PDE12: variants seen among roughly 807,000 people sequenced by gnomAD.
PDE12 encodes the protein 2',5'-phosphodiesterase 12.
Under a neutral mutation model 45.4 loss-of-function variants are expected in PDE12, and 26 were observed. The ratio of observed to expected loss-of-function variants is 0.57; its 90% confidence interval spans 0.42 to 0.79. PDE12 has a LOEUF of 0.79. Among genes scored for constraint, PDE12 ranks in the 30% least tolerant of loss-of-function variants. The probability of loss-of-function intolerance (pLI) is 0.00; values close to 1 mark genes in which losing one functional copy is unlikely to be tolerated. For missense variants in PDE12, 668 were observed against 790.0 expected, an observed-to-expected ratio of 0.85 and a Z score of 1.85; for synonymous variants, 283 against 323.9, an observed-to-expected ratio of 0.87 and a Z score of 1.36.
At chr3:57,650,445 C>T in the PDE12 span, among the ~76,000 whole-genome samples, 1 of 149,372 alleles carries the variant, frequency 6.7e-6, no homozygotes, top group Non-Finnish European at 1.5e-5. Flanking sequence ...CACACACACA[C>T]ATACATACAC....
chr3:57,560,797 G>A lies in PDE12; in HGVS notation c.*793G>A. 1 of 985,242 alleles carries A rather than the reference G, an allele frequency of 1.0e-6. No homozygotes were observed. Among genetic ancestry groups the A allele is most frequent in the Non-Finnish European group, 1.2e-6 (1 of 829,418 alleles). 61.0% of individuals were successfully genotyped at this position (985,242 alleles called of 1,614,324 possible). ...TAAGGGTGAGAGACTTAAGTTATAG[G>A]TGACCTTAGAGACCTAAGGTGAGAG... On this transcript the variant is annotated 3_prime_UTR_variant, in exon 3 of 3. Coordinates refer to ENST00000311180, the MANE Select transcript of PDE12 (RefSeq NM_177966.7).
chr3:57,595,699 A>T, the PDE12 span, among the ~76,000 whole-genome samples: 1 of 152,312 alleles, frequency 6.6e-6, no homozygotes, highest in Middle Eastern at 3.4e-3. Flanking sequence ...CTGTAATCCC[A>T]GCACTCTGGG....
At chr3:57,592,014 C>T in the PDE12 span, among the ~76,000 whole-genome samples, 1 of 152,092 alleles carries the variant, frequency 6.6e-6, no homozygotes, top group Non-Finnish European at 1.5e-5. Context: ...TATACTAAAA[C>T]CCACGGAACT....
the PDE12 span, among the ~76,000 whole-genome samples, chr3:57,620,354 C>G: frequency 6.6e-6 from 1 of 151,630 alleles, no homozygotes; most frequent in Non-Finnish European, 1.5e-5. Flanking sequence ...AGTTTGAGAG[C>G]ACCCTCAGCA....
the PDE12 span, among the ~76,000 whole-genome samples, chr3:57,604,625 GT>G: frequency 0.12 from 4,013 of 33,076 alleles, 462 homozygotes; most frequent in South Asian, 0.25. Flanking sequence ...TTTGGGGGGG[GT>G]GGGTGGGACA....
chr3:57,645,289 T>C, the PDE12 span, among the ~76,000 whole-genome samples: 124,495 of 151,538 alleles, frequency 0.82, 51,456 homozygotes, highest in East Asian at 1. Context: ...GGTGAAACCC[T>C]GTCTCTACTA....
chr3:57,605,154 G>A, the PDE12 span, among the ~76,000 whole-genome samples: 2 of 152,146 alleles, frequency 1.3e-5, no homozygotes, highest in Admixed American at 6.5e-5. Context: ...ATTGCCTTGG[G>A]AATGTGTCCA....
chr3:57,570,032 CACA>C (rs1246394880), downstream of PDE12, among the ~76,000 whole-genome samples: 13 of 152,036 alleles, frequency 8.6e-5, no homozygotes, highest in Admixed American at 5.3e-4. Context: ...AGACTACACA[CACA>C]ACAATTATAC....
At chr3:57,645,636 G>A in the PDE12 span, 1 of 1,546,410 alleles carries the variant, frequency 6.5e-7, no homozygotes. Flanking sequence ...GTAATACCTG[G>A]TCAATAGAAG....
the PDE12 span, among the ~76,000 whole-genome samples, chr3:57,637,142 A>G: frequency 3.1e-4 from 47 of 152,260 alleles, no homozygotes; most frequent in African/African-American, 1.1e-3. Flanking sequence ...AATCTTCACA[A>G]TAAGAGTTTA....
chr3:57,650,257 C>A, the PDE12 span, among the ~76,000 whole-genome samples: 1 of 151,300 alleles, frequency 6.6e-6, no homozygotes, highest in East Asian at 1.9e-4. Context: ...ATTCATGCAA[C>A]CAAACACCAC....
chr3:57,589,926 A>G, the PDE12 span, among the ~76,000 whole-genome samples: 2 of 148,662 alleles, frequency 1.3e-5, no homozygotes, highest in Non-Finnish European at 3.0e-5. Context: ...CCCCATCTCT[A>G]CTAAAAATAC....
At chr3:57,597,192 C>T in the PDE12 span, 1 of 1,547,290 alleles carries the variant, frequency 6.5e-7, no homozygotes, top group Non-Finnish European at 8.9e-7. Flanking sequence ...TGGGGCGACC[C>T]CGTGCTTTCT....
the PDE12 span, among the ~76,000 whole-genome samples, chr3:57,631,880 G>A: frequency 6.6e-6 from 1 of 150,560 alleles, no homozygotes; most frequent in Admixed American, 6.6e-5. Context: ...CCACCACCAC[G>A]CCCGGCTAAT....
At chr3:57,595,619 T>G in the PDE12 span, among the ~76,000 whole-genome samples, 1 of 152,136 alleles carries the variant, frequency 6.6e-6, no homozygotes, top group Non-Finnish European at 1.5e-5. Context: ...TTACAGAAGC[T>G]TGTGTTTGCA....
At chr3:57,633,800 G>T in the PDE12 span, among the ~76,000 whole-genome samples, 4 of 151,850 alleles carry the variant, frequency 2.6e-5, no homozygotes, top group African/African-American at 9.7e-5. Flanking sequence ...TGAGACAGAA[G>T]AATTGCTTGA....
In PDE12 at chr3:57,561,489, A is replaced by G. The variant is rs548031462; in HGVS notation, c.*1485A>G. The G allele has an allele frequency of 1.0e-6, 1 of 984,656 alleles. No individual in the cohort carries two copies. The highest frequency in any genetic ancestry group is 1.7e-5 in the African/African-American group (1 of 57,322). The allele number at this position is 984,656 out of a possible 1,614,324, so 61.0% of individuals were successfully genotyped here. On this transcript the variant is annotated 3_prime_UTR_variant, in exon 3 of 3. Coordinates refer to ENST00000311180, the MANE Select transcript of PDE12 (RefSeq NM_177966.7). The stretch of plus-strand genomic sequence containing the variant: ...AACTTTTTAAAATTAGAAACTACAA[A>G]TGGTTATACTGATTAGTGTCTAGCC...
At chr3:57,627,944 C>G in the PDE12 span, 1 of 287,328 alleles carries the variant, frequency 3.5e-6, no homozygotes, top group Non-Finnish European at 6.5e-6. Context: ...GCCCACAAGT[C>G]TCTCATAAGA....
the PDE12 span, among the ~76,000 whole-genome samples, chr3:57,616,650 G>T: frequency 6.6e-6 from 1 of 152,170 alleles, no homozygotes; most frequent in African/African-American, 2.4e-5. Flanking sequence ...TTTTAAGGAA[G>T]ACATAATACC....
Sources: gnomAD v4.1 joint callset for allele counts (sites outside exome capture counted in the v4.1 genomes callset) on GRCh38, gnomAD v4.1.1 for gene constraint, MANE v1.5 for transcripts, NCBI Gene and HGNC (gene_info 2026-07-23, HGNC 2026-07-21) for gene names.